The following DAW1 variants were observed in gnomAD, a reference collection of about 807,000 sequenced individuals.
DAW1 encodes the protein dynein assembly factor with WD repeat domains 1.
Under a neutral mutation model 56.5 loss-of-function variants are expected in DAW1, and 47 were observed. The ratio of observed to expected loss-of-function variants is 0.83; its 90% CI spans 0.66 to 1.06. The LOEUF (loss-of-function observed/expected upper bound fraction) is 1.06. DAW1 is among the 50% of genes least tolerant of loss of function. DAW1 has a pLI of 0.00. For synonymous variants in DAW1, 190 were observed against 179.0 expected (o/e 1.06, Z -0.49); for missense variants, 505 against 499.3 (o/e 1.01, Z -0.11).
chr2:227,910,406 A>G (rs903426261), intron 10 of DAW1, among the ~76,000 whole-genome samples: 7 of 151,958 alleles, frequency 4.6e-5, no homozygotes, highest in Non-Finnish European at 8.8e-5. Flanking sequence ...GAGGAGTTCA[A>G]GGTTACAGCG....
In DAW1 at chr2:227,903,120, A is replaced by G; in HGVS notation, c.648+11A>G. 6.2e-7 allele frequency: 1 copy of G among 1,609,466 alleles called. No individual in the cohort carries two copies. Among genetic ancestry groups the G allele is most frequent in the South Asian group, 1.1e-5 (1 of 90,834 alleles). ...GTTTACACCTTAAGAGTATGTCAAT[A>G]ATGTTAATAAGCCTGTTATTTGTGT... On this transcript the variant is annotated intron_variant, in intron 7 of 12. Coordinates refer to ENST00000309931, the MANE Select transcript of DAW1 (RefSeq NM_178821.3).
chr2:227,921,222 T>C (rs1037298637), intron 11 of DAW1, among the ~76,000 whole-genome samples, 177 bp from the exon 12 acceptor site: 2 of 151,490 alleles, frequency 1.3e-5, no homozygotes, highest in Non-Finnish European at 1.5e-5. Flanking sequence ...TACTAGTCCC[T>C]GCAATATTTT....
rs1404705054 is a variant in DAW1 at position 227,905,030 on chromosome 2, T to C, written c.750T>C (p.Thr250=). The change falls in exon 8 of 13, where the codon ACT becomes ACC. Residue 250 remains threonine, a synonymous_variant. Transcript: ENST00000309931. ...CCGTTGTAGTGTGGGACGCTGATACTGGAAGGTAATTCTTAGTTCTTAAGA... is the reference window on the plus strand; with the variant it reads ...CCGTTGTAGTGTGGGACGCTGATACCGGAAGGTAATTCTTAGTTCTTAAGA... ...DHTVVVWDAD[T]GRKVNILIGH... The C allele has an allele frequency of 3.1e-6, 5 of 1,612,136 alleles. 1 individual carries two copies. The South Asian group carries it at 5.5e-5, about 18-fold the overall frequency.
intron 1 of DAW1, among the ~76,000 whole-genome samples, chr2:227,877,649 G>GT (rs1217988427): frequency 3.9e-5 from 6 of 152,356 alleles, no homozygotes; most frequent in Admixed American, 1.3e-4. Flanking sequence ...TGTTCCACCT[G>GT]TGATCATCAG....
intron 7 of DAW1, 128 bp from the exon 8 acceptor site, chr2:227,904,801 A>G: frequency 1.3e-6 from 1 of 775,168 alleles, no homozygotes; most frequent in South Asian, 1.8e-5. Context: ...TCCTCACCCC[A>G]GCCAACCGCT....
intron 8 of DAW1, 81 bp downstream of exon 8, chr2:227,905,116 C>T (rs768896737): frequency 1.3e-4 from 148 of 1,157,264 alleles, no homozygotes; most frequent in Non-Finnish European, 1.5e-4. Flanking sequence ...GTTTAAGCTA[C>T]TATCTATTAA....
rs375195739 is a variant in DAW1, at chr2:227,891,322, C to G, written c.317+9C>G. On this transcript the variant is annotated intron_variant, in intron 4 of 12. Transcript: ENST00000309931. The stretch of plus-strand genomic sequence containing the variant: ...AACAAATCGGGCTCATGGTAAGATT[C>G]TCTTTTTATGTCTAATTTTTAGCAG... 2.5e-5 allele frequency: 40 copies of G among 1,611,224 alleles called. No homozygotes were observed. The highest frequency in any genetic ancestry group is 3.2e-5 in the Non-Finnish European group (38 of 1,178,234).
intron 10 of DAW1, among the ~76,000 whole-genome samples, chr2:227,913,737 C>G (rs16824200): frequency 0.049 from 7,496 of 152,088 alleles, 245 homozygotes; most frequent in Middle Eastern, 0.095. Context: ...TCCTTGTACA[C>G]CACATATATC....
In DAW1 at chr2:227,896,490, C is replaced by T. The variant is rs200262801; in HGVS notation, c.441-1692C>T. Among the ~76,000 whole-genome samples, 6 of 152,128 alleles carry T rather than the reference C, an allele frequency of 3.9e-5. No homozygotes were observed. The East Asian group carries it at 1.2e-3, about 29-fold the overall frequency. ...CACGTGTCCAATCAGTTATCTTCGC[C>T]TGATGATTTATGTATGCGTGAATGC... On this transcript the variant is annotated intron_variant, in intron 5 of 12. Coordinates refer to ENST00000309931, the MANE Select transcript of DAW1 (RefSeq NM_178821.3).
chr2:227,918,437 C>G (rs774340606), intron 10 of DAW1, among the ~76,000 whole-genome samples: 1 of 152,166 alleles, frequency 6.6e-6, no homozygotes, highest in East Asian at 1.9e-4. Flanking sequence ...GCTGGTCTTG[C>G]TGCTTATTTC....
intron 6 of DAW1, among the ~76,000 whole-genome samples, chr2:227,899,909 T>C (rs1430718129): frequency 1.3e-5 from 2 of 152,232 alleles, no homozygotes; most frequent in African/African-American, 4.8e-5. Flanking sequence ...TCTGCTTATT[T>C]ATGTACACCT....
At position 227,886,671 on chromosome 2, in the gene DAW1, G is replaced by GGCCAAT. The variant is rs139717310; in HGVS notation, c.113+1248_113+1249insGCCAAT. 2.8e-3 allele frequency among the ~76,000 whole-genome samples: 433 copies of GGCCAAT among 152,322 alleles called. 2 individuals carry two copies. Among genetic ancestry groups the GGCCAAT allele is most frequent in the African/African-American group, 9.8e-3 (409 of 41,574 alleles). On this transcript the variant is annotated intron_variant, in intron 2 of 12. Transcript: ENST00000309931. ...AACTCCACTTCAAGGCCAAGGCCAA[G>GGCCAAT]TGTGGTGGCTCACACCTGTAATCCC...
At position 227,912,525 on chromosome 2, in the gene DAW1, G is replaced by A. The variant is rs897263171; in HGVS notation, c.973+5273G>A. Reference sequence around the variant, plus strand: ...TGATGATCATATATAATGCTGCACTGTCTAGTATGTCTGTTTCATATCACT... The same window carrying A: ...TGATGATCATATATAATGCTGCACTATCTAGTATGTCTGTTTCATATCACT... On this transcript the variant is annotated intron_variant, in intron 10 of 12. Transcript: ENST00000309931. 4.7e-6 allele frequency: 6 copies of A among 1,268,660 alleles called. No homozygotes were observed. In the African/African-American group the frequency reaches 9.2e-5, roughly 19 times the overall value. The allele number at this position is 1,268,660 out of a possible 1,614,324, so 78.6% of individuals were successfully genotyped here.
Position 227,905,027 on chromosome 2 carries a change from T to C in DAW1, c.747T>C (p.Asp249=), listed in dbSNP as rs1359915419. 9.3e-6 allele frequency: 15 copies of C among 1,612,418 alleles called. No individual in the cohort carries two copies. Among genetic ancestry groups the C allele is most frequent in the Non-Finnish European group, 1.2e-5 (14 of 1,179,008 alleles). The change falls in exon 8 of 13, where the codon GAT becomes GAC. Residue 249 remains aspartate (D), a synonymous_variant. Transcript: ENST00000309931. The part of the protein sequence containing the change: ...FDHTVVVWDA[D]TGRKVNILIG... ...ATACCGTTGTAGTGTGGGACGCTGA[T>C]ACTGGAAGGTAATTCTTAGTTCTTA...
At chr2:227,917,009 C>T (rs918573950) in intron 10 of DAW1, among the ~76,000 whole-genome samples, 2 of 152,074 alleles carry the variant, frequency 1.3e-5, no homozygotes, top group Admixed American at 1.3e-4. Flanking sequence ...GCATCATCTC[C>T]TTGATAACCA....
chr2:227,881,230 C>G lies in DAW1; in HGVS notation c.41-4121C>G, dbSNP rs1691002211. Among the ~76,000 whole-genome samples, 3 of 152,192 alleles carry G rather than the reference C, an allele frequency of 2.0e-5. No individual in the cohort carries two copies. In the South Asian group the frequency reaches 6.2e-4, roughly 32 times the overall value. Reference sequence around the variant, plus strand: ...TCTTCCCATCATCTACCAATTAGTTCATGTATTCAGCAAGCACTGCTAGAG... The same window carrying G: ...TCTTCCCATCATCTACCAATTAGTTGATGTATTCAGCAAGCACTGCTAGAG... On this transcript the variant is annotated intron_variant, in intron 1 of 12. Coordinates refer to ENST00000309931, the MANE Select transcript of DAW1 (RefSeq NM_178821.3).
At chr2:227,896,236 T>C (rs1345294569) in intron 5 of DAW1, among the ~76,000 whole-genome samples, 1 of 152,222 alleles carries the variant, frequency 6.6e-6, no homozygotes, top group Non-Finnish European at 1.5e-5. Flanking sequence ...AAAGATTTTA[T>C]TGAAATTATA....
chr2:227,902,426 G>T (rs187930366), intron 6 of DAW1, among the ~76,000 whole-genome samples: 9 of 152,166 alleles, frequency 5.9e-5, no homozygotes, highest in East Asian at 3.9e-4. Flanking sequence ...AAGATCTTCT[G>T]GGGGAGGGGA....
rs984139010 is a variant in DAW1, at chr2:227,876,583, G to A, written c.40+4854G>A. 5.3e-6 allele frequency: 6 copies of A among 1,139,756 alleles called. No homozygotes were observed. The Admixed American group carries it at 1.2e-4, about 22-fold the overall frequency. The allele number at this position is 1,139,756 out of a possible 1,614,324, so 70.6% of individuals were successfully genotyped here. A position where few individuals can be genotyped will look rare whatever the true frequency, so the allele number is the denominator to read the frequency against. On this transcript the variant is annotated intron_variant, in intron 1 of 12. Coordinates refer to ENST00000309931, the MANE Select transcript of DAW1 (RefSeq NM_178821.3). ...TACCTTTATCCCTTCTGCATATAGAGCAGTTTTGTTTTGCCTCCTAATCCT... is the reference window on the plus strand; with the variant it reads ...TACCTTTATCCCTTCTGCATATAGAACAGTTTTGTTTTGCCTCCTAATCCT...
Sources: gnomAD v4.1 joint callset for allele counts (sites outside exome capture counted in the v4.1 genomes callset) on GRCh38, gnomAD v4.1.1 for gene constraint, MANE v1.5 for transcripts, NCBI Gene and HGNC (gene_info 2026-07-23, HGNC 2026-07-21) for gene names.